SRGAP2B: variants seen among roughly 807,000 people sequenced by gnomAD.
The protein encoded by SRGAP2B is SLIT-ROBO Rho GTPase activating protein 2B, also known as SLIT-ROBO Rho GTPase-activating protein 2B.
A neutral mutation model predicts 22.2 loss-of-function variants in SRGAP2B; 9 were observed. The observed-to-expected ratio is 0.41, with a 90% confidence interval of 0.24 to 0.71. The LOEUF (loss-of-function observed/expected upper bound fraction) is 0.71, where lower values mean the gene tolerates loss of function less well. SRGAP2B is among the 30% of genes least tolerant of loss of function. SRGAP2B has a pLI of 0.35. For synonymous variants in SRGAP2B, 36 were observed against 87.4 expected (o/e 0.41, Z 3.28); for missense variants, 114 against 235.8 (o/e 0.48, Z 3.38).
At chr1:145,081,159 A>G (rs1450565936) in intron 2 of SRGAP2B, among the ~76,000 whole-genome samples, 1 of 149,268 alleles carries the variant, frequency 6.7e-6, no homozygotes, top group Admixed American at 6.6e-5. Flanking sequence ...ATCACTTACT[A>G]GCCATGTGCT....
At chr1:145,006,277 C>G (rs1172440357) in intron 2 of SRGAP2B, among the ~76,000 whole-genome samples, 1 of 150,802 alleles carries the variant, frequency 6.6e-6, no homozygotes, top group African/African-American at 2.5e-5. Flanking sequence ...CCTCCTTGCC[C>G]CAGTGGACTG....
chr1:144,969,651 C>A (rs375042721), intron 3 of SRGAP2B, among the ~76,000 whole-genome samples: 1 of 150,208 alleles, frequency 6.7e-6, no homozygotes, highest in Non-Finnish European at 1.5e-5. Flanking sequence ...AATGGGATCT[C>A]ATAAAACTAA....
chr1:145,015,836 AT>A (rs1268964437), intron 2 of SRGAP2B, among the ~76,000 whole-genome samples: 1 of 62,770 alleles, frequency 1.6e-5, no homozygotes, highest in African/African-American at 7.3e-5. Context: ...TCTGGTGAGT[AT>A]TGCAAATAGT....
intron 3 of SRGAP2B, among the ~76,000 whole-genome samples, chr1:144,992,267 C>T (rs1670306588): frequency 1.3e-5 from 2 of 149,944 alleles, no homozygotes; most frequent in South Asian, 2.1e-4. Context: ...AGCTGTAACA[C>T]TCACCGCGAG....
intron 4 of SRGAP2B, among the ~76,000 whole-genome samples, chr1:144,932,200 C>A (rs1553605780): frequency 2.7e-5 from 4 of 148,980 alleles, no homozygotes. Context: ...GCTGTCCTCT[C>A]CCCATGATCG....
chr1:144,954,611 C>A (rs1372109119), intron 4 of SRGAP2B, among the ~76,000 whole-genome samples: 4 of 150,534 alleles, frequency 2.7e-5, no homozygotes, highest in African/African-American at 1.0e-4. Context: ...TGTCTGTAAC[C>A]CAACCTCATG....
chr1:145,094,173 G>A (rs1269246055), intron 1 of SRGAP2B, among the ~76,000 whole-genome samples: 1 of 61,370 alleles, frequency 1.6e-5, no homozygotes, highest in Non-Finnish European at 3.0e-5. Context: ...CAAGCTCAGA[G>A]ATCCCAGATA....
chr1:145,020,920 T>C (rs1321307929), intron 2 of SRGAP2B, among the ~76,000 whole-genome samples: 1 of 149,372 alleles, frequency 6.7e-6, no homozygotes, highest in African/African-American at 2.5e-5. Flanking sequence ...ATGCCTCAGC[T>C]TCCCAAGTAG....
chr1:144,922,756 T>A (rs188087191), intron 4 of SRGAP2B, among the ~76,000 whole-genome samples: 1 of 150,802 alleles, frequency 6.6e-6, no homozygotes, highest in East Asian at 1.9e-4. Flanking sequence ...CCCCACTACC[T>A]AGGTCACAGA....
chr1:144,991,134 A>G (rs6600686), intron 3 of SRGAP2B, among the ~76,000 whole-genome samples: 4 of 149,856 alleles, frequency 2.7e-5, no homozygotes, highest in African/African-American at 7.5e-5. Flanking sequence ...GGGACGTGGA[A>G]AGTCTTTATA....
chr1:144,921,139 G>A (rs1242951748), intron 4 of SRGAP2B, among the ~76,000 whole-genome samples: 6 of 144,590 alleles, frequency 4.1e-5, no homozygotes, highest in Admixed American at 1.4e-4. Flanking sequence ...AATCTCAAAG[G>A]TATTACTAGA....
chr1:145,039,257 CTT>C (rs1553627106), intron 2 of SRGAP2B, among the ~76,000 whole-genome samples: 1 of 38,812 alleles, frequency 2.6e-5, no homozygotes, highest in African/African-American at 9.1e-5. Flanking sequence ...GAGAGGAACA[CTT>C]GAGCCCAGGA....
intron 4 of SRGAP2B, among the ~76,000 whole-genome samples, chr1:144,954,437 GA>G (rs1553609930): frequency 6.6e-6 from 1 of 151,574 alleles, no homozygotes; most frequent in African/African-American, 2.4e-5. Flanking sequence ...TTTAATAATG[GA>G]TTTTGTCACC....
intron 9 of SRGAP2B, 70 bp downstream of exon 9, chr1:144,893,338 C>T: frequency 1.5e-3 from 2 of 1,348 alleles, no homozygotes; most frequent in Admixed American, 5.1e-3. Context: ...TGCTCCCAGA[C>T]GGGCAGCAGC....
chr1:144,898,565 C>T (rs1336674161), intron 7 of SRGAP2B, among the ~76,000 whole-genome samples: 12 of 149,716 alleles, frequency 8.0e-5, no homozygotes, highest in Admixed American at 8.0e-4. Context: ...AAGAAGAAAC[C>T]TCAAAGAAGA....
chr1:144,920,250 T>TA (rs1396626332), intron 4 of SRGAP2B, among the ~76,000 whole-genome samples: 1 of 151,072 alleles, frequency 6.6e-6, no homozygotes, highest in Non-Finnish European at 1.5e-5. Context: ...CCTATTTTTT[T>TA]ATCTTCTTTT....
At chr1:145,057,031 A>G (rs1264352128) in intron 2 of SRGAP2B, among the ~76,000 whole-genome samples, 4 of 146,754 alleles carry the variant, frequency 2.7e-5, no homozygotes, top group Admixed American at 6.9e-5. Context: ...TAATAATAAA[A>G]AAGTCATTTG....
chr1:144,984,811 T>A (rs1553615654), intron 3 of SRGAP2B, among the ~76,000 whole-genome samples: 4 of 150,812 alleles, frequency 2.7e-5, no homozygotes. Context: ...CCATCAGTGG[T>A]TTCCAGTGTC....
At chr1:145,009,609 G>T in intron 2 of SRGAP2B, among the ~76,000 whole-genome samples, 1 of 148,228 alleles carries the variant, frequency 6.7e-6, no homozygotes. Flanking sequence ...AAACAAAATT[G>T]GCCCTGAGCT....
Sources: gnomAD v4.1 joint callset for allele counts (sites outside exome capture counted in the v4.1 genomes callset) on GRCh38, gnomAD v4.1.1 for gene constraint, MANE v1.5 for transcripts, NCBI Gene and HGNC (gene_info 2026-07-23, HGNC 2026-07-21) for gene names.